FBN2: variants seen among roughly 807,000 people sequenced by gnomAD.
FBN2 encodes fibrillin-2.
Under a neutral mutation model 355.6 loss-of-function variants are expected in FBN2, and 105 were observed. The ratio of observed to expected loss-of-function variants is 0.30; its 90% CI spans 0.25 to 0.35. The LOEUF is 0.35. Ranked by LOEUF, FBN2 falls within the 10% of genes least tolerant of loss-of-function variation. FBN2 has a pLI of 1.00. For synonymous variants in FBN2, 1,350 were observed against 1,301.2 expected (o/e 1.04, Z -0.81); for missense variants, 3,280 against 3,758.7 (o/e 0.87, Z 3.33).
Position 128,318,282 on chromosome 5 carries a change from C to G in FBN2, c.4595-11G>C, listed in dbSNP as rs199640787. On this transcript the variant is annotated splice_polypyrimidine_tract_variant and intron_variant, in intron 35 of 64. Transcript: ENST00000262464. ...CACACTCATCAATATCTAGGAGAAG[C>G]ATTTAAAATGCCCAGGTTACCATTT... is the stretch of plus-strand genomic sequence containing the variant. 8.6e-4 allele frequency: 1,389 copies of G among 1,613,842 alleles called. 10 individuals carry two copies. The highest frequency in any genetic ancestry group is 4.1e-4 in the Non-Finnish European group (486 of 1,179,906).
At chr5:128,370,119 T>C (rs1014572063) in intron 15 of FBN2, among the ~76,000 whole-genome samples, 3 of 152,160 alleles carry the variant, frequency 2.0e-5, no homozygotes, top group Non-Finnish European at 2.9e-5. Context: ...TAGTAAGTAA[T>C]GCTATACCCC....
chr5:128,483,772 A>C (rs947922392), intron 5 of FBN2, among the ~76,000 whole-genome samples: 1 of 152,176 alleles, frequency 6.6e-6, no homozygotes, highest in African/African-American at 2.4e-5. Flanking sequence ...TATTTCATAT[A>C]AATCAATGGT....
At chr5:128,530,849 T>C (rs1756682180) in intron 2 of FBN2, among the ~76,000 whole-genome samples, 156 bp from the exon 3 acceptor site, 1 of 152,170 alleles carries the variant, frequency 6.6e-6, no homozygotes, top group Admixed American at 6.5e-5. Flanking sequence ...AAATTACCCA[T>C]TGCAGACTTG....
intron 32 of FBN2, among the ~76,000 whole-genome samples, chr5:128,331,222 G>A (rs984178974): frequency 1.3e-5 from 2 of 152,172 alleles, no homozygotes; most frequent in African/African-American, 4.8e-5. Flanking sequence ...TGCCATGAGA[G>A]AATAAAAAAG....
intron 7 of FBN2, among the ~76,000 whole-genome samples, chr5:128,416,668 T>G (rs970585074): frequency 6.6e-6 from 1 of 152,194 alleles, no homozygotes; most frequent in Non-Finnish European, 1.5e-5. Context: ...GAAAAGGATG[T>G]CCATTCCTCA....
rs979057741 is a variant in FBN2 at position 128,395,064 on chromosome 5, C to T, written c.1231+58G>A. On this transcript the variant is annotated intron_variant, in intron 9 of 64. Coordinates refer to ENST00000262464, the MANE Select transcript of FBN2 (RefSeq NM_001999.4). ...GTCTCCCAGAGAGCAAAATACAGTA[C>T]TGCTACTAATTTTCCTAACAGTGTC... 3.8e-6 allele frequency: 6 copies of T among 1,597,112 alleles called. No homozygotes were observed. In the African/African-American group the frequency reaches 6.7e-5, roughly 18 times the overall value.
At chr5:128,496,589 CAGACT>C (rs1041099254) in intron 5 of FBN2, among the ~76,000 whole-genome samples, 2 of 152,004 alleles carry the variant, frequency 1.3e-5, no homozygotes, top group African/African-American at 4.8e-5. Context: ...CGCGTAAGAT[CAGACT>C]AGGACAAGGA....
intron 7 of FBN2, among the ~76,000 whole-genome samples, chr5:128,421,594 T>A: frequency 6.6e-6 from 1 of 152,130 alleles, no homozygotes; most frequent in East Asian, 1.9e-4. Context: ...TCTATGGGTA[T>A]AGACAGTTGA....
At chr5:128,394,194 TTTAA>T (rs1002362669) in intron 9 of FBN2, among the ~76,000 whole-genome samples, 125 of 152,268 alleles carry the variant, frequency 8.2e-4, no homozygotes, top group Middle Eastern at 3.4e-3. Flanking sequence ...ATTTGAAAAC[TTTAA>T]TTATTTTACA....
At chr5:128,450,507 C>G (rs761322141) in intron 6 of FBN2, among the ~76,000 whole-genome samples, 1 of 151,954 alleles carries the variant, frequency 6.6e-6, no homozygotes, top group Non-Finnish European at 1.5e-5. Flanking sequence ...TGAAGATACA[C>G]CATATCAAAA....
At position 128,310,007 on chromosome 5, in the gene FBN2, C is replaced by T. The variant is rs772682406; in HGVS notation, c.5176G>A (p.Val1726Ile). The T allele has an allele frequency of 2.5e-6, 4 of 1,613,836 alleles. No individual in the cohort carries two copies. The highest frequency in any genetic ancestry group is 2.7e-5 in the African/African-American group (2 of 74,880). Residue 1726 changes from valine to isoleucine, a missense_variant, in exon 40 of 65, where the codon GTC becomes ATC. Around this residue, in one of 6 missense-constraint regions of FBN2, gnomAD observed 2,284 missense variants for 2,749.5 expected, o/e 0.83. Coordinates refer to ENST00000262464, the MANE Select transcript of FBN2 (RefSeq NM_001999.4). ...TCICPPEYMQ[V>I]NGGHNCMDMR... ...CCCATGCAGTTGTGGCCTCCATTGA[C>T]CTGCATGTACTCAGGTGGGCAAATG...
At chr5:128,431,221 C>A (rs1441370231) in intron 7 of FBN2, among the ~76,000 whole-genome samples, 1 of 152,194 alleles carries the variant, frequency 6.6e-6, no homozygotes, top group Non-Finnish European at 1.5e-5. Flanking sequence ...CATTCCTTTC[C>A]CTTTGGAACT....
At chr5:128,447,775 C>T (rs964022186) in intron 6 of FBN2, among the ~76,000 whole-genome samples, 10 of 152,132 alleles carry the variant, frequency 6.6e-5, no homozygotes, top group Non-Finnish European at 1.3e-4. Flanking sequence ...CGGCACCTGC[C>T]GACATGTGAT....
intron 5 of FBN2, among the ~76,000 whole-genome samples, chr5:128,488,389 T>C (rs1186449675): frequency 6.6e-6 from 1 of 152,200 alleles, no homozygotes; most frequent in East Asian, 1.9e-4. Flanking sequence ...TGGTAGAGTT[T>C]AGCATGACTG....
intron 6 of FBN2, among the ~76,000 whole-genome samples, chr5:128,461,795 G>A (rs1477173483): frequency 1.4e-5 from 2 of 147,234 alleles, no homozygotes; most frequent in African/African-American, 2.5e-5. Context: ...AGTGAGAGTT[G>A]AACATTGAAA....
intron 5 of FBN2, among the ~76,000 whole-genome samples, chr5:128,500,823 TC>T (rs1178803080): frequency 6.6e-6 from 1 of 151,418 alleles, no homozygotes; most frequent in African/African-American, 2.4e-5. Flanking sequence ...AGGACTAAAA[TC>T]CCTACCTACC....
chr5:128,421,239 G>T (rs1369414967), intron 7 of FBN2, among the ~76,000 whole-genome samples: 1 of 152,190 alleles, frequency 6.6e-6, no homozygotes, highest in Non-Finnish European at 1.5e-5. Context: ...GGCAAGGAGA[G>T]TGATCAGAAC....
intron 23 of FBN2, among the ~76,000 whole-genome samples, 173 bp from the exon 24 acceptor site, chr5:128,345,757 G>T (rs1429648534): frequency 6.6e-6 from 1 of 152,174 alleles, no homozygotes; most frequent in Admixed American, 6.5e-5. Flanking sequence ...GTCATTTAAG[G>T]AGAACAAAGG....
intron 21 of FBN2, 39 bp downstream of exon 21, chr5:128,350,829 T>C: frequency 6.2e-7 from 1 of 1,612,086 alleles, no homozygotes; most frequent in Non-Finnish European, 8.5e-7. Context: ...AGGAGAAGTT[T>C]CCAAGGAGAA....
Sources: gnomAD v4.1 joint callset for allele counts (sites outside exome capture counted in the v4.1 genomes callset) on GRCh38, gnomAD v4.1.1 for gene constraint, gnomAD v4.1.1 regional missense constraint, MANE v1.5 for transcripts, NCBI Gene and HGNC (gene_info 2026-07-23, HGNC 2026-07-21) for gene names.